EPB41L5: variants seen among roughly 807,000 people sequenced by gnomAD.
EPB41L5 encodes the protein band 4.1-like protein 5.
A neutral mutation model predicts 106.6 loss-of-function variants in EPB41L5; 55 were observed. The ratio of observed to expected loss-of-function variants is 0.52; its 90% CI spans 0.42 to 0.65. EPB41L5 has a LOEUF of 0.65. Among genes scored for constraint, EPB41L5 ranks in the 30% least tolerant of loss-of-function variants. The pLI, the probability that EPB41L5 is intolerant of heterozygous loss-of-function variation, is 0.00. For missense variants in EPB41L5, 871 were observed against 882.1 expected (o/e 0.99, Z 0.16); for synonymous variants, 297 against 306.7 (o/e 0.97, Z 0.33).
chr2:120,127,374 TACCAA>T (rs2105462004), intron 16 of EPB41L5, among the ~76,000 whole-genome samples: 1 of 152,282 alleles, frequency 6.6e-6, no homozygotes, highest in East Asian at 1.9e-4. Context: ...CTCCCTGAGA[TACCAA>T]AATCCGCAGA....
rs187882854 is a variant in EPB41L5, at chr2:120,045,013, T to C, written c.285+2903T>C. On this transcript the variant is annotated intron_variant, in intron 3 of 24. Coordinates refer to ENST00000263713, the MANE Select transcript of EPB41L5 (RefSeq NM_020909.4). ...CTCATGACATAAACAATCAGCTTGTTGTGTGGCCATATTCAACCTCAGAAT... is the reference window on the plus strand; with the variant it reads ...CTCATGACATAAACAATCAGCTTGTCGTGTGGCCATATTCAACCTCAGAAT... Among the ~76,000 whole-genome samples the C allele has an allele frequency of 1.9e-3, 283 of 152,320 alleles. 1 individual carries two copies. Among genetic ancestry groups the C allele is most frequent in the Middle Eastern group, 6.8e-3 (2 of 294 alleles).
chr2:120,114,556 C>A (rs1684865609), intron 16 of EPB41L5, among the ~76,000 whole-genome samples: 1 of 152,034 alleles, frequency 6.6e-6, no homozygotes, highest in Non-Finnish European at 1.5e-5. Context: ...AGGATATAAC[C>A]CCATCATCAG....
chr2:120,121,404 A>G (rs1192465252), intron 16 of EPB41L5, among the ~76,000 whole-genome samples: 1 of 152,008 alleles, frequency 6.6e-6, no homozygotes, highest in Non-Finnish European at 1.5e-5. Context: ...CTTGTGTCCA[A>G]GTGTTTTCAT....
chr2:120,060,511 CA>C (rs1308158784), intron 3 of EPB41L5, among the ~76,000 whole-genome samples: 10 of 151,254 alleles, frequency 6.6e-5, no homozygotes, highest in Non-Finnish European at 1.0e-4. Context: ...AAGCCAGTAT[CA>C]AAAGGTTATA....
At chr2:120,078,144 G>A (rs1277089351) in intron 9 of EPB41L5, among the ~76,000 whole-genome samples, 1 of 152,144 alleles carries the variant, frequency 6.6e-6, no homozygotes, top group Non-Finnish European at 1.5e-5. Context: ...TGTAGACATA[G>A]AGCCAAACCG....
chr2:120,148,486 G>A (rs1033919280), intron 20 of EPB41L5, among the ~76,000 whole-genome samples: 1 of 151,922 alleles, frequency 6.6e-6, no homozygotes, highest in Non-Finnish European at 1.5e-5. Flanking sequence ...CCTAAAGTCT[G>A]CAAACACTTT....
chr2:120,075,248 GAA>G (rs1302192679), intron 5 of EPB41L5, among the ~76,000 whole-genome samples: 1 of 152,100 alleles, frequency 6.6e-6, no homozygotes, highest in Non-Finnish European at 1.5e-5. Flanking sequence ...CTAGCATAAA[GAA>G]GAGAAAAATA....
intron 3 of EPB41L5, among the ~76,000 whole-genome samples, chr2:120,058,275 C>A (rs1680794369): frequency 6.6e-6 from 1 of 151,996 alleles, no homozygotes; most frequent in Admixed American, 6.6e-5. Flanking sequence ...AGCCTTGATC[C>A]CCTGGGCTCA....
chr2:120,034,318 AAGG>A (rs1678906430), intron 2 of EPB41L5, among the ~76,000 whole-genome samples: 1 of 152,210 alleles, frequency 6.6e-6, no homozygotes, highest in African/African-American at 2.4e-5. Context: ...TTGGCAGAAT[AAGG>A]AGGAGAGTTA....
chr2:120,040,135 C>T (rs1488356611), intron 2 of EPB41L5, among the ~76,000 whole-genome samples: 3 of 151,564 alleles, frequency 2.0e-5, no homozygotes, highest in African/African-American at 7.3e-5. Flanking sequence ...GATGGCAGCA[C>T]TGACGTAGGA....
At chr2:120,167,112 G>A (rs1322400944) in intron 22 of EPB41L5, among the ~76,000 whole-genome samples, 2 of 152,182 alleles carry the variant, frequency 1.3e-5, no homozygotes, top group African/African-American at 4.8e-5. Context: ...ATCATTATTT[G>A]TAATTAATTA....
intron 1 of EPB41L5, chr2:120,013,514 C>A (rs1677288350): frequency 6.6e-6 from 1 of 152,202 alleles, no homozygotes; most frequent in Admixed American, 6.5e-5. Flanking sequence ...ACGCGCTCCC[C>A]GAGCCGCGGG....
chr2:120,027,936 C>G (rs949729517), intron 2 of EPB41L5, among the ~76,000 whole-genome samples: 1 of 151,910 alleles, frequency 6.6e-6, no homozygotes, highest in Non-Finnish European at 1.5e-5. Context: ...GATCTCGGCT[C>G]ACTGCAACCT....
chr2:120,161,156 C>G (rs1167771182), intron 21 of EPB41L5, among the ~76,000 whole-genome samples, 182 bp downstream of exon 21: 1 of 151,700 alleles, frequency 6.6e-6, no homozygotes, highest in Non-Finnish European at 1.5e-5. Flanking sequence ...GGCATGTGGA[C>G]CACTTGAGCT....
At chr2:120,165,825 G>A (rs555146083) in intron 22 of EPB41L5, among the ~76,000 whole-genome samples, 33 of 152,084 alleles carry the variant, frequency 2.2e-4, no homozygotes, top group Non-Finnish European at 4.1e-4. Context: ...AAAATTAGCC[G>A]GGGGTGGTGG....
At chr2:120,050,764 C>G (rs1414512017) in intron 3 of EPB41L5, among the ~76,000 whole-genome samples, 2 of 152,182 alleles carry the variant, frequency 1.3e-5, no homozygotes, top group African/African-American at 4.8e-5. Flanking sequence ...CTTTTCTGCT[C>G]TGGTTTCTCC....
chr2:120,016,601 G>T (rs1336917123), intron 1 of EPB41L5, among the ~76,000 whole-genome samples: 2 of 151,954 alleles, frequency 1.3e-5, no homozygotes, highest in African/African-American at 4.8e-5. Flanking sequence ...ACTGTTAAAG[G>T]TGTTCGTTTT....
Position 120,131,695 on chromosome 2 carries a change from G to A in EPB41L5, c.1579G>A (p.Asp527Asn), listed in dbSNP as rs754936128. Reference sequence around the variant, plus strand: ...TTTGCTGTCCCCTCGATCCAACATCGATGTTAACATAAACAGCCAGGTATT... The same window carrying A: ...TTTGCTGTCCCCTCGATCCAACATCAATGTTAACATAAACAGCCAGGTATT... ...SPLLSPRSNI[D>N]VNINSQEEVV... The change falls in exon 18 of 25, where the codon GAT becomes AAT. Residue 527 changes from aspartate to asparagine, a missense_variant. Coordinates refer to ENST00000263713, the MANE Select transcript of EPB41L5 (RefSeq NM_020909.4). 1.2e-5 allele frequency: 19 copies of A among 1,613,186 alleles called. No individual in the cohort carries two copies. The highest frequency in any genetic ancestry group is 9.9e-5 in the South Asian group (9 of 91,058).
chr2:120,169,060 ACAG>A (rs1687547632), intron 24 of EPB41L5, among the ~76,000 whole-genome samples: 1 of 152,254 alleles, frequency 6.6e-6, no homozygotes, highest in Non-Finnish European at 1.5e-5. Flanking sequence ...ATTAAAAATT[ACAG>A]ATGAAAGCAG....
Sources: gnomAD v4.1 joint callset for allele counts (sites outside exome capture counted in the v4.1 genomes callset) on GRCh38, gnomAD v4.1.1 for gene constraint, MANE v1.5 for transcripts, NCBI Gene and HGNC (gene_info 2026-07-23, HGNC 2026-07-21) for gene names.